TBC1D5: variants seen among roughly 807,000 people sequenced by gnomAD.
TBC1D5 encodes TBC1 domain family member 5.
TBC1D5 carries 75 observed loss-of-function variants against 100.3 expected under a neutral mutation model. That is an observed-to-expected ratio of 0.75 (90% CI 0.62 to 0.91). The LOEUF is 0.91. TBC1D5 is among the 40% of genes least tolerant of loss of function. The pLI, the probability that TBC1D5 is intolerant of heterozygous loss-of-function variation, is 0.00. For missense variants in TBC1D5, 910 were observed against 942.4 expected, an observed-to-expected ratio of 0.97 and a Z score of 0.45; for synonymous variants, 323 against 325.6, an observed-to-expected ratio of 0.99 and a Z score of 0.09.
chr3:17,682,917 T>C lies in TBC1D5; in HGVS notation c.-101+56426A>G, dbSNP rs566559084. Among the ~76,000 whole-genome samples, 8 of 151,620 alleles carry C rather than the reference T, an allele frequency of 5.3e-5. No homozygotes were observed. In the East Asian group the frequency reaches 7.7e-4, roughly 15 times the overall value. Reference sequence around the variant, plus strand: ...TCATACCAATATCACCCAAACTCCGTTGCCGTCTAATTCATCTGTTCTCAG... The same window carrying C: ...TCATACCAATATCACCCAAACTCCGCTGCCGTCTAATTCATCTGTTCTCAG... On this transcript the variant is annotated intron_variant, in intron 1 of 21. Transcript: ENST00000253692.
chr3:17,454,384 CAA>C (rs745348150), intron 3 of TBC1D5, among the ~76,000 whole-genome samples: 3 of 150,442 alleles, frequency 2.0e-5, no homozygotes, highest in Non-Finnish European at 3.0e-5. Context: ...AAAGACTCTA[CAA>C]AAAAAAACTA....
At chr3:17,393,588 A>T (rs1173154048) in intron 8 of TBC1D5, among the ~76,000 whole-genome samples, 5 of 152,310 alleles carry the variant, frequency 3.3e-5, no homozygotes, top group Admixed American at 3.3e-4. Context: ...ACAAGGCTAC[A>T]GTAACCAAAA....
At chr3:17,549,018 C>A (rs1352025968) in intron 2 of TBC1D5, among the ~76,000 whole-genome samples, 2 of 152,176 alleles carry the variant, frequency 1.3e-5, no homozygotes, top group African/African-American at 2.4e-5. Flanking sequence ...CAAGTGGTGG[C>A]CAGGCAGGGT....
chr3:17,680,995 A>T (rs2069377838), intron 1 of TBC1D5, among the ~76,000 whole-genome samples: 1 of 151,502 alleles, frequency 6.6e-6, no homozygotes, highest in African/African-American at 2.5e-5. Context: ...GACCCAAACT[A>T]CTTCATATGC....
intron 13 of TBC1D5, among the ~76,000 whole-genome samples, chr3:17,328,554 T>G (rs937128034): frequency 1.3e-5 from 2 of 152,196 alleles, no homozygotes; most frequent in South Asian, 4.1e-4. Flanking sequence ...TCACTTCTAA[T>G]CACCTAACTT....
chr3:17,370,344 A>G (rs551054117), intron 13 of TBC1D5, among the ~76,000 whole-genome samples: 28 of 152,326 alleles, frequency 1.8e-4, no homozygotes, highest in African/African-American at 6.0e-4. Flanking sequence ...TTGAGGGTGT[A>G]AAATGTGCTT....
chr3:17,673,388 C>A (rs1000666796), intron 1 of TBC1D5, among the ~76,000 whole-genome samples: 30 of 148,066 alleles, frequency 2.0e-4, no homozygotes, highest in African/African-American at 7.2e-4. Context: ...CGGCTCACTG[C>A]AGCCTCTACC....
At chr3:17,642,055 G>A (rs1434663509) in intron 1 of TBC1D5, among the ~76,000 whole-genome samples, 1 of 152,058 alleles carries the variant, frequency 6.6e-6, no homozygotes, top group Admixed American at 6.6e-5. Context: ...GTTTGTATAG[G>A]TTTTGGGTTT....
chr3:17,265,770 G>A (rs1248966447), intron 15 of TBC1D5, among the ~76,000 whole-genome samples: 2 of 152,042 alleles, frequency 1.3e-5, no homozygotes, highest in Admixed American at 6.6e-5. Context: ...GCCATGGCAC[G>A]CGTGAACTAG....
At chr3:17,528,325 G>C (rs997513537) in intron 2 of TBC1D5, among the ~76,000 whole-genome samples, 6 of 152,154 alleles carry the variant, frequency 3.9e-5, no homozygotes, top group Non-Finnish European at 7.4e-5. Flanking sequence ...AAGGGCTGGA[G>C]GGAACTAGCT....
chr3:17,253,609 CT>C (rs2077359984), intron 16 of TBC1D5, among the ~76,000 whole-genome samples: 1 of 152,182 alleles, frequency 6.6e-6, no homozygotes. Context: ...ATTTCTATTA[CT>C]CCCAAATTCG....
intron 2 of TBC1D5, among the ~76,000 whole-genome samples, chr3:17,617,354 A>G (rs892210271): frequency 6.6e-6 from 1 of 152,130 alleles, no homozygotes; most frequent in Non-Finnish European, 1.5e-5. Flanking sequence ...TCTGACAATT[A>G]TATGTCTTGG....
At chr3:17,352,814 A>T (rs1008516827) in intron 13 of TBC1D5, among the ~76,000 whole-genome samples, 9 of 152,108 alleles carry the variant, frequency 5.9e-5, no homozygotes, top group African/African-American at 2.2e-4. Flanking sequence ...TATGAGTTGT[A>T]CGTAAAACAT....
At chr3:17,616,636 T>G (rs989501862) in intron 2 of TBC1D5, among the ~76,000 whole-genome samples, 2 of 152,210 alleles carry the variant, frequency 1.3e-5, no homozygotes, top group Admixed American at 1.3e-4. Context: ...CCTTTACCAT[T>G]ATGTAATGGC....
intron 2 of TBC1D5, among the ~76,000 whole-genome samples, chr3:17,559,868 C>T (rs372567958): frequency 5.3e-5 from 8 of 152,092 alleles, no homozygotes; most frequent in Middle Eastern, 6.8e-3. Flanking sequence ...GGATTACAGG[C>T]GTGAGCCACC....
chr3:17,322,780 G>A (rs1176245768), intron 13 of TBC1D5, among the ~76,000 whole-genome samples: 2 of 152,136 alleles, frequency 1.3e-5, no homozygotes, highest in Non-Finnish European at 2.9e-5. Flanking sequence ...AAGCAAAGAA[G>A]AAATAACAGA....
chr3:17,706,060 G>C (rs569698645), intron 1 of TBC1D5: 4 of 1,592,452 alleles, frequency 2.5e-6, no homozygotes, highest in Non-Finnish European at 3.4e-6. Flanking sequence ...GGAGCCTACT[G>C]ATTTCCCCCG....
At chr3:17,704,979 G>A (rs2073839757) in intron 1 of TBC1D5, among the ~76,000 whole-genome samples, 4 of 122,580 alleles carry the variant, frequency 3.3e-5, no homozygotes, top group Non-Finnish European at 3.6e-5. Flanking sequence ...CCTCCCAGAC[G>A]GGGCGGCTGG....
intron 1 of TBC1D5, among the ~76,000 whole-genome samples, chr3:17,735,835 G>A (rs1050228221): frequency 2.0e-5 from 3 of 152,202 alleles, no homozygotes; most frequent in Non-Finnish European, 4.4e-5. Flanking sequence ...GGTGGATGGC[G>A]AGCGAAAGCT....
Sources: allele counts gnomAD v4.1 joint callset (sites outside exome capture counted in the v4.1 genomes callset), GRCh38; gene constraint gnomAD v4.1.1; transcripts MANE v1.5; gene names NCBI Gene and HGNC (gene_info 2026-07-23, HGNC 2026-07-21).